The following TMPRSS15 variants were observed in gnomAD, a reference collection of about 807,000 sequenced individuals.
TMPRSS15 encodes transmembrane serine protease 15.
TMPRSS15 carries 128 observed loss-of-function variants against 125.3 expected under a neutral mutation model. The ratio of observed to expected loss-of-function variants is 1.02; its 90% CI spans 0.89 to 1.18. The LOEUF is 1.18. Among genes scored for constraint, TMPRSS15 ranks in the 50% most tolerant of loss-of-function variants. The probability of loss-of-function intolerance (pLI) is 0.00; values close to 1 mark genes in which losing one functional copy is unlikely to be tolerated. For missense variants in TMPRSS15, 1,283 were observed against 1,212.7 expected, an observed-to-expected ratio of 1.06 and a Z score of -0.86; for synonymous variants, 446 against 423.2, an observed-to-expected ratio of 1.05 and a Z score of -0.66.
intron 7 of TMPRSS15, among the ~76,000 whole-genome samples, chr21:18,361,758 T>G (rs1046370782): frequency 2.6e-5 from 4 of 151,958 alleles, no homozygotes; most frequent in African/African-American, 9.7e-5. Flanking sequence ...AGTAGTGGGG[T>G]TGGTGTTAGT....
intron 14 of TMPRSS15, 139 bp from the exon 15 acceptor site, chr21:18,329,433 T>A: frequency 1.3e-6 from 1 of 752,238 alleles, no homozygotes; most frequent in Non-Finnish European, 2.0e-6. Flanking sequence ...TTTCAAGGTG[T>A]TTCTTTTTTC....
chr21:18,385,991 C>T (rs1167355670), intron 3 of TMPRSS15, among the ~76,000 whole-genome samples: 1 of 152,160 alleles, frequency 6.6e-6, no homozygotes, highest in Non-Finnish European at 1.5e-5. Flanking sequence ...GATCCTCCTG[C>T]CTTGGCCTCC....
At chr21:18,385,965 G>A (rs975584330) in intron 3 of TMPRSS15, among the ~76,000 whole-genome samples, 3 of 151,960 alleles carry the variant, frequency 2.0e-5, no homozygotes, top group African/African-American at 4.8e-5. Context: ...GGATGGTCTC[G>A]ATCTCCTGAC....
intron 1 of TMPRSS15, among the ~76,000 whole-genome samples, chr21:18,411,762 A>G (rs1223096582): frequency 6.6e-6 from 1 of 152,164 alleles, no homozygotes; most frequent in African/African-American, 2.4e-5. Flanking sequence ...CACTCTCACC[A>G]AGCATATTTC....
rs1568979905 is a variant in TMPRSS15 at position 18,281,195 on chromosome 21, G to T, written c.2513C>A (p.Thr838Lys). ...TTTCATATGCAGGCCTAGGATTGCT[G>T]TCCACTTGGATGGCTCTAAGTTTCT... ...YGRNLEPSKW[T>K]AILGLHMKSN... is the part of the protein sequence containing the mutation. Residue 838 changes from threonine (T) to lysine (K), a missense_variant, in exon 22 of 25, where the codon ACA becomes AAA. Coordinates refer to ENST00000284885, the MANE Select transcript of TMPRSS15 (RefSeq NM_002772.3). 6.2e-7 allele frequency: 1 copy of T among 1,613,994 alleles called. No homozygotes were observed. Among genetic ancestry groups the T allele is most frequent in the Non-Finnish European group, 8.5e-7 (1 of 1,179,980 alleles).
At chr21:18,484,657 C>T (rs1271738797) in intron 1 of TMPRSS15, among the ~76,000 whole-genome samples, 1 of 151,470 alleles carries the variant, frequency 6.6e-6, no homozygotes, top group Non-Finnish European at 1.5e-5. Context: ...TTTCCAGTTG[C>T]CACAGTACCA....
chr21:18,473,922 A>C (rs1978827604), intron 1 of TMPRSS15, among the ~76,000 whole-genome samples: 1 of 152,076 alleles, frequency 6.6e-6, no homozygotes, highest in Non-Finnish European at 1.5e-5. Context: ...TAACTGTTTC[A>C]ACTAGTTTGC....
At chr21:18,475,031 A>G (rs553800952) in intron 1 of TMPRSS15, among the ~76,000 whole-genome samples, 1 of 152,262 alleles carries the variant, frequency 6.6e-6, no homozygotes, top group South Asian at 2.1e-4. Context: ...CCACTTCAGT[A>G]TTCTCCCTCA....
intron 18 of TMPRSS15, among the ~76,000 whole-genome samples, chr21:18,303,807 T>G (rs989362553): frequency 1.3e-5 from 2 of 152,188 alleles, no homozygotes; most frequent in African/African-American, 4.8e-5. Context: ...CTTAGTAATT[T>G]CCTGACAACA....
chr21:18,293,581 T>C (rs781768583), intron 21 of TMPRSS15, among the ~76,000 whole-genome samples: 5 of 152,186 alleles, frequency 3.3e-5, no homozygotes, highest in African/African-American at 7.2e-5. Context: ...GAACATGTTC[T>C]TGGGTCCAGG....
chr21:18,437,671 G>A (rs1469768328), intron 1 of TMPRSS15, among the ~76,000 whole-genome samples: 1 of 152,216 alleles, frequency 6.6e-6, no homozygotes, highest in Non-Finnish European at 1.5e-5. Flanking sequence ...CAAAGGATAT[G>A]AGCGGACACT....
intron 21 of TMPRSS15, 46 bp from the exon 22 acceptor site, chr21:18,281,267 A>G (rs369447593): frequency 6.6e-7 from 1 of 1,524,140 alleles, no homozygotes; most frequent in Non-Finnish European, 9.1e-7. Flanking sequence ...CATCCAAAGC[A>G]GTTCCTTTCT....
intron 13 of TMPRSS15, among the ~76,000 whole-genome samples, chr21:18,338,728 T>C (rs112175137): frequency 9.8e-6 from 1 of 101,668 alleles, no homozygotes; most frequent in South Asian, 3.7e-4. Context: ...GAGAGAGAGA[T>C]AAAGAGAGAG....
intron 18 of TMPRSS15, among the ~76,000 whole-genome samples, chr21:18,311,994 A>T (rs1485538075): frequency 6.6e-6 from 1 of 152,174 alleles, no homozygotes. Flanking sequence ...AGAGTTTAGC[A>T]TTACAATAAT....
intron 21 of TMPRSS15, among the ~76,000 whole-genome samples, chr21:18,286,865 AG>A (rs2074770753): frequency 6.6e-6 from 1 of 152,188 alleles, no homozygotes; most frequent in South Asian, 2.1e-4. Flanking sequence ...CAACAGCAGC[AG>A]GGCTTTTTGA....
intron 1 of TMPRSS15, among the ~76,000 whole-genome samples, chr21:18,401,598 G>A (rs941093641): frequency 6.6e-6 from 1 of 152,168 alleles, no homozygotes. Flanking sequence ...AAGTGGGAGA[G>A]GGGCAAGGGT....
chr21:18,352,881 T>C, intron 10 of TMPRSS15, 22 bp downstream of exon 10: 1 of 1,610,428 alleles, frequency 6.2e-7, no homozygotes, highest in East Asian at 2.2e-5. Flanking sequence ...TCCTTTTGAC[T>C]TCTGAATTAA....
At chr21:18,349,550 C>A (rs8127494) in intron 10 of TMPRSS15, among the ~76,000 whole-genome samples, 1 of 151,980 alleles carries the variant, frequency 6.6e-6, no homozygotes, top group African/African-American at 2.4e-5. Flanking sequence ...GAGGAACATC[C>A]AGAAATATTT....
At chr21:18,450,613 T>C (rs1270235242) in intron 1 of TMPRSS15, among the ~76,000 whole-genome samples, 1 of 152,118 alleles carries the variant, frequency 6.6e-6, no homozygotes, top group Non-Finnish European at 1.5e-5. Context: ...GACTGTGCTC[T>C]GGTAAATAGC....
Sources: allele counts gnomAD v4.1 joint callset (sites outside exome capture counted in the v4.1 genomes callset), GRCh38; gene constraint gnomAD v4.1.1; transcripts MANE v1.5; gene names NCBI Gene and HGNC (gene_info 2026-07-23, HGNC 2026-07-21).